MCTP1: variants seen among roughly 807,000 people sequenced by gnomAD.
The protein encoded by MCTP1 is multiple C2 and transmembrane domain-containing protein 1.
Under a neutral mutation model 120.6 loss-of-function variants are expected in MCTP1, and 69 were observed. The ratio of observed to expected loss-of-function variants is 0.57; its 90% CI spans 0.47 to 0.70. The LOEUF is 0.70. Among genes scored for constraint, MCTP1 ranks in the 30% least tolerant of loss-of-function variants. The probability of loss-of-function intolerance (pLI) is 0.00; values close to 1 mark genes in which losing one functional copy is unlikely to be tolerated. For missense variants in MCTP1, 1,203 were observed against 1,248.8 expected (o/e 0.96, Z 0.55); for synonymous variants, 529 against 493.1 (o/e 1.07, Z -0.96).
chr5:95,154,479 A>G (rs1284136426), intron 1 of MCTP1, among the ~76,000 whole-genome samples: 1 of 152,234 alleles, frequency 6.6e-6, no homozygotes, highest in Non-Finnish European at 1.5e-5. Flanking sequence ...TACTTCAGCT[A>G]CAAAAATTCT....
chr5:95,068,672 A>G, intron 1 of MCTP1: 1 of 500,176 alleles, frequency 2.0e-6, no homozygotes, highest in Non-Finnish European at 3.1e-6. Context: ...AGCTTTCTCC[A>G]TGTCGGTTTG....
intron 1 of MCTP1, among the ~76,000 whole-genome samples, chr5:95,145,679 T>G (rs899576156): frequency 1.3e-5 from 2 of 152,212 alleles, no homozygotes; most frequent in African/African-American, 4.8e-5. Flanking sequence ...TCTGTTTATG[T>G]GGTGAATCAC....
intron 18 of MCTP1, among the ~76,000 whole-genome samples, chr5:94,785,961 T>C (rs779818397): frequency 4.6e-5 from 7 of 152,144 alleles, no homozygotes; most frequent in Non-Finnish European, 8.8e-5. Context: ...CAAAATACTA[T>C]GGAAATATTG....
Position 95,052,223 on chromosome 5 carries a change from A to G in MCTP1, c.721-34739T>C, listed in dbSNP as rs1290826635. Among the ~76,000 whole-genome samples, 6 of 152,200 alleles carry G rather than the reference A, an allele frequency of 3.9e-5. No homozygotes were observed. The South Asian group carries it at 1.2e-3, about 32-fold the overall frequency. On this transcript the variant is annotated intron_variant, in intron 1 of 22. Transcript: ENST00000515393. ...TCTGGGTAAGTCTTAATATAGAGTT[A>G]GATTAATTCTAAACAATTTAAACAG...
At chr5:95,072,059 A>G (rs183272364) in intron 1 of MCTP1, among the ~76,000 whole-genome samples, 1 of 147,320 alleles carries the variant, frequency 6.8e-6, no homozygotes, top group East Asian at 2.0e-4. Context: ...TCAGATTCTA[A>G]TATGAAACAA....
chr5:94,770,544 A>T (rs255376), intron 19 of MCTP1, among the ~76,000 whole-genome samples: 135,951 of 152,248 alleles, frequency 0.89, 61,050 homozygotes, highest in African/African-American at 0.95. Flanking sequence ...GCTATGTAAA[A>T]CTTTTCATTT....
intron 2 of MCTP1, among the ~76,000 whole-genome samples, chr5:95,014,638 A>G (rs559697754): frequency 2.8e-4 from 42 of 152,274 alleles, no homozygotes; most frequent in Middle Eastern, 6.8e-3. Flanking sequence ...TATTATTTGT[A>G]CAGTTCCTAG....
At chr5:94,759,050 A>C (rs536743622) in intron 19 of MCTP1, among the ~76,000 whole-genome samples, 5 of 152,340 alleles carry the variant, frequency 3.3e-5, no homozygotes, top group Admixed American at 2.6e-4. Flanking sequence ...AAATTCTCAA[A>C]ACCTGACCTT....
intron 1 of MCTP1, among the ~76,000 whole-genome samples, chr5:95,135,368 T>C (rs1759374918): frequency 6.6e-6 from 1 of 152,226 alleles, no homozygotes; most frequent in Non-Finnish European, 1.5e-5. Context: ...CAAAAAGTCC[T>C]ATAAAATAAA....
chr5:95,067,756 A>C (rs1751052859), intron 1 of MCTP1, among the ~76,000 whole-genome samples: 1 of 152,160 alleles, frequency 6.6e-6, no homozygotes, highest in Admixed American at 6.5e-5. Flanking sequence ...GATTCAGTCA[A>C]ACTAAGCTTT....
chr5:95,006,382 A>G (rs983382499), intron 2 of MCTP1, among the ~76,000 whole-genome samples: 15 of 151,824 alleles, frequency 9.9e-5, no homozygotes, highest in African/African-American at 1.7e-4. Flanking sequence ...TGTATATTAG[A>G]AGCTTAAGAT....
intron 1 of MCTP1, among the ~76,000 whole-genome samples, chr5:95,252,393 T>C (rs1757464883): frequency 6.6e-6 from 1 of 152,174 alleles, no homozygotes; most frequent in South Asian, 2.1e-4. Flanking sequence ...CTCTGTTCTC[T>C]GATCCTTGAG....
At chr5:95,156,447 A>G (rs1355311725) in intron 1 of MCTP1, among the ~76,000 whole-genome samples, 1 of 152,232 alleles carries the variant, frequency 6.6e-6, no homozygotes, top group Non-Finnish European at 1.5e-5. Context: ...CTGAATATGC[A>G]TTACAGACTT....
At chr5:95,055,368 A>G (rs1477472748) in intron 1 of MCTP1, among the ~76,000 whole-genome samples, 1 of 152,218 alleles carries the variant, frequency 6.6e-6, no homozygotes, top group Non-Finnish European at 1.5e-5. Flanking sequence ...AACATTCTTG[A>G]TGACTCCAAG....
chr5:95,110,824 C>A lies in MCTP1; in HGVS notation c.721-93340G>T, dbSNP rs559273787. On this transcript the variant is annotated intron_variant, in intron 1 of 22. Coordinates refer to ENST00000515393, the MANE Select transcript of MCTP1 (RefSeq NM_024717.7). ...GCATGTTAAAGGACTTTTGAGTCTA[C>A]CAATATTGGGGATGATAAAGCTTAC... Among the ~76,000 whole-genome samples the A allele has an allele frequency of 2.0e-5, 3 of 152,214 alleles. No individual in the cohort carries two copies. In the South Asian group the frequency reaches 6.2e-4, roughly 32 times the overall value.
chr5:94,885,079 C>A (rs1800965724), intron 12 of MCTP1, among the ~76,000 whole-genome samples: 1 of 152,108 alleles, frequency 6.6e-6, no homozygotes, highest in Admixed American at 6.5e-5. Flanking sequence ...CTCTCTCCCC[C>A]TTTTTCTCTT....
At chr5:95,252,882 A>G (rs751478768) in intron 1 of MCTP1, among the ~76,000 whole-genome samples, 4 of 152,174 alleles carry the variant, frequency 2.6e-5, no homozygotes, top group Admixed American at 6.6e-5. Flanking sequence ...CTGTCAATGG[A>G]ACTGATTTAA....
At chr5:94,965,236 AT>A (rs1030259823) in intron 2 of MCTP1, among the ~76,000 whole-genome samples, 2 of 152,028 alleles carry the variant, frequency 1.3e-5, no homozygotes, top group East Asian at 1.9e-4. Context: ...CTTGGATGCC[AT>A]TTTTTTCTCT....
rs758024431 is a variant in MCTP1, at chr5:94,932,002, A to C, written c.1174-11T>G. 8.9e-6 allele frequency: 14 copies of C among 1,579,034 alleles called. No individual in the cohort carries two copies. The highest frequency in any genetic ancestry group is 5.0e-5 in the Admixed American group (3 of 59,488). ...CCTCATTAGCATTGTCTGTAAATAA[A>C]ATAAAGCATTTTCATTATCTTTTCA... On this transcript the variant is annotated splice_polypyrimidine_tract_variant and intron_variant, in intron 5 of 22. Transcript: ENST00000515393.
Sources: allele counts gnomAD v4.1 joint callset (sites outside exome capture counted in the v4.1 genomes callset), GRCh38; gene constraint gnomAD v4.1.1; transcripts MANE v1.5; gene names NCBI Gene and HGNC (gene_info 2026-07-23, HGNC 2026-07-21).